DNHD1: variants seen among roughly 807,000 people sequenced by gnomAD.
DNHD1 encodes dynein heavy chain domain-containing protein 1.
Under a neutral mutation model 458.1 loss-of-function variants are expected in DNHD1, and 383 were observed. The ratio of observed to expected loss-of-function variants is 0.84; its 90% CI spans 0.77 to 0.91. The LOEUF is 0.91. DNHD1 is among the 40% of genes least tolerant of loss of function. The probability of loss-of-function intolerance (pLI) is 0.00; values close to 1 mark genes in which losing one functional copy is unlikely to be tolerated. For missense variants in DNHD1, 5,336 were observed against 5,866.1 expected (o/e 0.91, Z 2.95); for synonymous variants, 2,203 against 2,376.9 (o/e 0.93, Z 2.13).
intron 32 of DNHD1, among the ~76,000 whole-genome samples, 154 bp downstream of exon 32, chr11:6,564,958 C>G (rs539033946): frequency 6.6e-6 from 1 of 152,272 alleles, no homozygotes; most frequent in Non-Finnish European, 1.5e-5. Flanking sequence ...CAAATTTGGT[C>G]ACATTTATTT....
Position 6,498,960 on chromosome 11 carries a change from A to G in DNHD1, c.745A>G (p.Arg249Gly). The G allele has an allele frequency of 6.3e-7, 1 of 1,594,994 alleles. No individual in the cohort carries two copies. The highest frequency in any genetic ancestry group is 1.7e-5 in the Admixed American group (1 of 57,748). The stretch of plus-strand genomic sequence containing the variant: ...GGAGCCTGTTGGAAGAAAAGAGACC[A>G]GGTAAGTGAGGGACTCAGTCTAGGG... ...EVEPVGRKET[R>G]SQLDYEVPRE... The change falls in exon 3 of 43, where the codon AGG becomes GGG. Residue 249 changes from arginine to glycine, a missense_variant and splice_region_variant. Physicochemically the swap from Arg to Gly is moderately radical, Grantham distance 125. Around this residue, in one of 4 missense-constraint regions of DNHD1, gnomAD observed 3,932 missense variants for 4,365.6 expected, o/e 0.90. Coordinates refer to ENST00000254579, the MANE Select transcript of DNHD1 (RefSeq NM_144666.3).
Position 6,557,624 on chromosome 11 carries a change from T to C in DNHD1, c.8329T>C (p.Ser2777Pro), listed in dbSNP as rs1197630668. The C allele has an allele frequency of 1.3e-6, 2 of 1,551,568 alleles. No individual in the cohort carries two copies. The highest frequency in any genetic ancestry group is 2.4e-5 in the East Asian group (1 of 40,936). The change falls in exon 25 of 43, where the codon TCC becomes CCC. Residue 2777 changes from serine (S) to proline (P), a missense_variant. Ser to Pro is a moderately conservative substitution (Grantham distance 74). Transcript: ENST00000254579. Reference sequence around the variant, plus strand: ...AAGGCAAGAGAAAGGCACAAGGGCATCCAACTATAGGCTCCAGGTAAGGAG... The same window carrying C: ...AAGGCAAGAGAAAGGCACAAGGGCACCCAACTATAGGCTCCAGGTAAGGAG... ...KIRQEKGTRA[S>P]NYRLQVRRSF...
chr11:6,547,051 C>A lies in DNHD1; in HGVS notation c.6112C>A (p.Pro2038Thr), dbSNP rs1054346121. 2 of 1,551,684 alleles carry A rather than the reference C, an allele frequency of 1.3e-6. No individual in the cohort carries two copies. The highest frequency in any genetic ancestry group is 1.7e-6 in the Non-Finnish European group (2 of 1,146,984). ...CCACCTGTACCCCAGTGGCCTCAGCCCCCAGGAGTTCCTGGGATGGCTAGA... is the reference window on the plus strand; with the variant it reads ...CCACCTGTACCCCAGTGGCCTCAGCACCCAGGAGTTCCTGGGATGGCTAGA... ...ITHLYPSGLS[P>T]QEFLGWLEGS... Residue 2038 changes from proline to threonine, a missense_variant, in exon 21 of 43, where the codon CCC becomes ACC. This residue lies in a region of DNHD1 where 3,932 missense variants were observed against 4,365.6 expected (regional missense o/e 0.90). Coordinates refer to ENST00000254579, the MANE Select transcript of DNHD1 (RefSeq NM_144666.3).
chr11:6,557,251 G>A lies in DNHD1; in HGVS notation c.7956G>A (p.Gln2652=), dbSNP rs901584334. The part of the protein sequence containing the change: ...NVVRLWLHEA[Q]RTFCDRLDSP... ...TGCGTCTTTGGTTGCATGAGGCACA[G>A]AGAACCTTTTGCGACCGGCTGGACA... Residue 2652 remains glutamine, a synonymous_variant, in exon 25 of 43, where the codon CAG becomes CAA. Coordinates refer to ENST00000254579, the MANE Select transcript of DNHD1 (RefSeq NM_144666.3). The A allele has an allele frequency of 6.4e-7, 1 of 1,551,470 alleles. No homozygotes were observed. Among genetic ancestry groups the A allele is most frequent in the African/African-American group, 1.4e-5 (1 of 73,070 alleles).
At chr11:6,509,470 C>G (rs1486441159) in intron 6 of DNHD1, among the ~76,000 whole-genome samples, 198 bp downstream of exon 6, 1 of 152,030 alleles carries the variant, frequency 6.6e-6, no homozygotes, top group African/African-American at 2.4e-5. Flanking sequence ...GTGATCATAC[C>G]TTACATACTG....
In DNHD1 at chr11:6,533,012, C is replaced by G; in HGVS notation, c.2348-15C>G. Reference sequence around the variant, plus strand: ...TTTTTATGCGTCCCCTCACACCTTACTCTCCTGTCTCCAGAATCCAAGCTG... The same window carrying G: ...TTTTTATGCGTCCCCTCACACCTTAGTCTCCTGTCTCCAGAATCCAAGCTG... On this transcript the variant is annotated splice_polypyrimidine_tract_variant and intron_variant, in intron 12 of 42. Coordinates refer to ENST00000254579, the MANE Select transcript of DNHD1 (RefSeq NM_144666.3). 2 of 1,550,952 alleles carry G rather than the reference C, an allele frequency of 1.3e-6. No individual in the cohort carries two copies. Among genetic ancestry groups the G allele is most frequent in the Non-Finnish European group, 1.7e-6 (2 of 1,146,630 alleles).
chr11:6,544,304 G>A, intron 19 of DNHD1, 58 bp downstream of exon 19: 1 of 1,545,386 alleles, frequency 6.5e-7, no homozygotes, highest in Non-Finnish European at 8.8e-7. Context: ...ATGTCCCAGA[G>A]GGATGGGGGT....
Position 6,539,332 on chromosome 11 carries a change from G to A in DNHD1, c.3420+19G>A, listed in dbSNP as rs747666341. The A allele has an allele frequency of 2.5e-5, 38 of 1,527,636 alleles. No homozygotes were observed. Among genetic ancestry groups the A allele is most frequent in the African/African-American group, 4.1e-5 (3 of 72,538 alleles). 94.6% of individuals were successfully genotyped at this position (1,527,636 alleles called of 1,614,324 possible). Reference sequence around the variant, plus strand: ...CAACCAGGTGGGGCCCTCAGTACAGGGGCGAGGGAGGTGGTCCAAAGCCAG... The same window carrying A: ...CAACCAGGTGGGGCCCTCAGTACAGAGGCGAGGGAGGTGGTCCAAAGCCAG... On this transcript the variant is annotated intron_variant, in intron 17 of 42. Coordinates refer to ENST00000254579, the MANE Select transcript of DNHD1 (RefSeq NM_144666.3).
At chr11:6,532,258 T>C (rs541757176) in intron 12 of DNHD1, among the ~76,000 whole-genome samples, 1 of 152,322 alleles carries the variant, frequency 6.6e-6, no homozygotes, top group Non-Finnish European at 1.5e-5. Flanking sequence ...CAGTTTTTTT[T>C]CTTTGTTAGT....
At position 6,538,807 on chromosome 11, in the gene DNHD1, C is replaced by T. The variant is rs1413322304; in HGVS notation, c.3322C>T (p.Arg1108Cys). The T allele has an allele frequency of 1.1e-5, 17 of 1,504,648 alleles. No homozygotes were observed. The highest frequency in any genetic ancestry group is 2.5e-5 in the East Asian group (1 of 40,290). 93.2% of individuals were successfully genotyped at this position (1,504,648 alleles called of 1,614,324 possible). A position where few individuals can be genotyped will look rare whatever the true frequency, so the allele number is the denominator to read the frequency against. The change falls in exon 16 of 43, where the codon CGT (arginine) becomes TGT (cysteine). Residue 1108 changes from arginine to cysteine, a missense_variant. Physicochemically the swap from Arg to Cys is radical, Grantham distance 180. This residue lies in a region of DNHD1 where 3,932 missense variants were observed against 4,365.6 expected (regional missense o/e 0.90). Transcript: ENST00000254579. ...PQSLNCQCLLRALGLGSLQTI... is the reference protein window; with the variant it reads ...PQSLNCQCLLCALGLGSLQTI... ...GAGCCTCAACTGCCAGTGTCTCCTGCGTGGTATGTTTGGTTAATGTCAGAG... is the reference window on the plus strand; with the variant it reads ...GAGCCTCAACTGCCAGTGTCTCCTGTGTGGTATGTTTGGTTAATGTCAGAG...
intron 10 of DNHD1, among the ~76,000 whole-genome samples, chr11:6,527,783 T>C (rs1353605828): frequency 6.6e-6 from 1 of 152,230 alleles, no homozygotes; most frequent in Non-Finnish European, 1.5e-5. Flanking sequence ...ATGGCTCTTA[T>C]TCTGAACATT....
At chr11:6,521,972 C>T (rs900412327) in intron 10 of DNHD1, among the ~76,000 whole-genome samples, 27 of 152,188 alleles carry the variant, frequency 1.8e-4, no homozygotes, top group Admixed American at 8.5e-4. Context: ...CTATCTTGGC[C>T]TTGCAAAGTG....
rs540685000 is a variant in DNHD1 at position 6,533,746 on chromosome 11, C to T, written c.2571C>T (p.His857=). Residue 857 remains histidine, a synonymous_variant, in exon 14 of 43, where the codon CAC becomes CAT. Transcript: ENST00000254579. The part of the protein sequence containing the change: ...EERMEYVRAL[H]ELIRNHFSLF... Reference sequence around the variant, plus strand: ...GAATGGAATACGTACGGGCACTCCACGAACTCATCCGCAACCACTTTAGCC... The same window carrying T: ...GAATGGAATACGTACGGGCACTCCATGAACTCATCCGCAACCACTTTAGCC... 1.2e-4 allele frequency: 184 copies of T among 1,551,458 alleles called. No individual in the cohort carries two copies. The highest frequency in any genetic ancestry group is 7.8e-4 in the Admixed American group (40 of 50,966).
Position 6,546,137 on chromosome 11 carries a change from G to T in DNHD1, c.5198G>T (p.Gly1733Val), listed in dbSNP as rs1341114334. 1 of 1,551,166 alleles carries T rather than the reference G, an allele frequency of 6.4e-7. No individual in the cohort carries two copies. Among genetic ancestry groups the T allele is most frequent in the East Asian group, 2.4e-5 (1 of 40,906 alleles). Reference protein sequence around the residue: ...SNYLNGALQGGAWLLLEKVHQ... With the variant: ...SNYLNGALQGVAWLLLEKVHQ... The stretch of plus-strand genomic sequence containing the variant: ...TATCTGAATGGTGCCCTGCAGGGTG[G>T]TGCCTGGCTGCTGTTGGAGAAAGTT... The change falls in exon 21 of 43, where the codon GGT becomes GTT. Residue 1733 changes from glycine (G) to valine (V), a missense_variant. Around this residue, in one of 4 missense-constraint regions of DNHD1, gnomAD observed 3,932 missense variants for 4,365.6 expected, o/e 0.90. Transcript: ENST00000254579.
At chr11:6,518,150 C>T (rs944954055) in intron 7 of DNHD1, among the ~76,000 whole-genome samples, 3 of 152,196 alleles carry the variant, frequency 2.0e-5, no homozygotes, top group Non-Finnish European at 2.9e-5. Context: ...CCTCAACTTC[C>T]CGGGCTCAGG....
Position 6,547,981 on chromosome 11 carries a change from G to C in DNHD1, c.6846G>C (p.Leu2282=), listed in dbSNP as rs1853260171. ...DVPDKCREHL[L]AVSSFLFALI... ...CAGATAAGTGCAGGGAACACTTGCT[G>C]GCTGTCAGCAGTTTTCTTTTTGCCT... Residue 2282 remains leucine, a synonymous_variant, in exon 22 of 43, where the codon CTG becomes CTC. Transcript: ENST00000254579. 1 of 1,551,614 alleles carries C rather than the reference G, an allele frequency of 6.4e-7. No homozygotes were observed. The highest frequency in any genetic ancestry group is 1.4e-5 in the African/African-American group (1 of 73,028).
chr11:6,530,339 T>C (rs572035893), intron 12 of DNHD1, among the ~76,000 whole-genome samples: 17 of 152,262 alleles, frequency 1.1e-4, no homozygotes, highest in Non-Finnish European at 1.5e-4. Context: ...TATGACCTAG[T>C]CTTTTACCCT....
rs1216719499 is a variant in DNHD1 at position 6,570,241 on chromosome 11, C to G, written c.12956-6C>G. On this transcript the variant is annotated splice_polypyrimidine_tract_variant and splice_region_variant and intron_variant, in intron 40 of 42. Transcript: ENST00000254579. ...TGGAACTGAGAGACTCTAACCTCAT[C>G]TTCAGCTTCAGTTTTCTACGGGGGT... is the stretch of plus-strand genomic sequence containing the variant. The G allele has an allele frequency of 1.9e-6, 3 of 1,613,574 alleles. No individual in the cohort carries two copies. Among genetic ancestry groups the G allele is most frequent in the African/African-American group, 1.3e-5 (1 of 74,854 alleles).
Position 6,545,814 on chromosome 11 carries a change from T to G in DNHD1, c.4875T>G (p.Thr1625=). 1 of 1,551,894 alleles carries G rather than the reference T, an allele frequency of 6.4e-7. No homozygotes were observed. Among genetic ancestry groups the G allele is most frequent in the Non-Finnish European group, 8.7e-7 (1 of 1,147,024 alleles). Residue 1625 remains threonine (T), a synonymous_variant, in exon 21 of 43, where the codon ACT becomes ACG. Transcript: ENST00000254579. This position sits in a 1 kb window ranked among gnomAD's most constrained non-coding sequence, Gnocchi z 4.9. ...AAAGCCCCCTACAGAGTCTTAAGAC[T>G]ATTGCATCTTCTGAACCCTCTCTGT... ...IPKSPLQSLK[T]IASSEPSLSP... is the part of the protein sequence containing the mutation.
Sources: gnomAD v4.1 joint callset for allele counts (sites outside exome capture counted in the v4.1 genomes callset) on GRCh38, gnomAD v4.1.1 for gene constraint, gnomAD v4.1.1 regional missense constraint, Gnocchi (gnomAD v3.1) non-coding constraint, MANE v1.5 for transcripts, NCBI Gene and HGNC (gene_info 2026-07-23, HGNC 2026-07-21) for gene names.